SPCS3: variants seen among roughly 807,000 people sequenced by gnomAD.
SPCS3 encodes the protein SPase 22 kDa subunit.
A neutral mutation model predicts 17.2 loss-of-function variants in SPCS3; 9 were observed. The observed-to-expected ratio is 0.52, with a 90% CI of 0.31 to 0.91. The LOEUF (loss-of-function observed/expected upper bound fraction) is 0.91, where lower values mean the gene tolerates loss of function less well. SPCS3 is among the 40% of genes least tolerant of loss of function. SPCS3 has a pLI of 0.04. For synonymous variants in SPCS3, 87 were observed against 89.6 expected, an observed-to-expected ratio of 0.97 and a Z score of 0.16; for missense variants, 139 against 217.5, an observed-to-expected ratio of 0.64 and a Z score of 2.27.
At chr4:176,326,367 G>A (rs1039332859) in intron 3 of SPCS3, among the ~76,000 whole-genome samples, 1 of 152,056 alleles carries the variant, frequency 6.6e-6, no homozygotes, top group Non-Finnish European at 1.5e-5. Context: ...CATATACTGA[G>A]TAATTGGCCT....
intron 3 of SPCS3, 78 bp from the exon 4 acceptor site, chr4:176,327,084 G>T: frequency 1.2e-6 from 1 of 810,364 alleles, no homozygotes. Flanking sequence ...CAAACTATTT[G>T]CTTACTAATA....
intron 1 of SPCS3, chr4:176,320,601 G>C (rs1350856890): frequency 1.3e-5 from 2 of 154,402 alleles, no homozygotes; most frequent in African/African-American, 4.8e-5. Context: ...CGCGCGTCCG[G>C]TGCCGCTCGT....
chr4:176,322,293 G>T, intron 2 of SPCS3, 50 bp downstream of exon 2: 1 of 1,238,392 alleles, frequency 8.1e-7, no homozygotes, highest in Non-Finnish European at 1.2e-6. Flanking sequence ...TTTATAATGA[G>T]ATATGTGTTG....
intron 3 of SPCS3, among the ~76,000 whole-genome samples, chr4:176,324,828 G>A (rs1457139737): frequency 1.3e-5 from 2 of 152,120 alleles, no homozygotes; most frequent in African/African-American, 4.8e-5. Flanking sequence ...GTAGGAAAAT[G>A]GTGGAGCTCA....
chr4:176,319,983 A>C lies in SPCS3; in HGVS notation c.-94A>C, dbSNP rs1422839389. 1.7e-4 allele frequency: 223 copies of C among 1,290,058 alleles called. No homozygotes were observed. Among genetic ancestry groups the C allele is most frequent in the East Asian group, 7.1e-4 (21 of 29,784 alleles). 79.9% of individuals were successfully genotyped at this position (1,290,058 alleles called of 1,614,324 possible). The stretch of plus-strand genomic sequence containing the variant: ...CGGCGCGCGCTCCCGGAACGCGCGC[A>C]CCGCAGACGGCGCGGATCGCAGGGA... On this transcript the variant is annotated 5_prime_UTR_variant, in exon 1 of 5. Transcript: ENST00000503362.
chr4:176,327,233 T>A lies in SPCS3; in HGVS notation c.366T>A (p.Asp122Glu). 6.3e-7 allele frequency: 1 copy of A among 1,594,612 alleles called. No individual in the cohort carries two copies. The highest frequency in any genetic ancestry group is 8.5e-7 in the Non-Finnish European group (1 of 1,170,840). The stretch of plus-strand genomic sequence containing the variant: ...ATAATCCGAAGCTGCTGCTGAAAGA[T>A]ATGAAAACAAAATATTTTTTCTTTG... ...RGDNPKLLLK[D>E]MKTKYFFFDD... The change falls in exon 4 of 5, where the codon GAT becomes GAA. Residue 122 changes from aspartate to glutamate, a missense_variant. Asp to Glu is a conservative substitution (Grantham distance 45). Transcript: ENST00000503362.
At chr4:176,325,812 C>T (rs1229089015) in intron 3 of SPCS3, among the ~76,000 whole-genome samples, 3 of 151,870 alleles carry the variant, frequency 2.0e-5, no homozygotes, top group Admixed American at 6.5e-5. Flanking sequence ...AGTATGATCT[C>T]GGCTCACTGC....
In SPCS3 at chr4:176,329,803, A is replaced by C. The variant is rs190082690; in HGVS notation, c.*1473A>C. The stretch of plus-strand genomic sequence containing the variant: ...TGTAGTTACACTATTAGCAGTGACC[A>C]AAAAGGGCTAATATTTTCTAAGAAT... On this transcript the variant is annotated 3_prime_UTR_variant, in exon 5 of 5. Coordinates refer to ENST00000503362, the MANE Select transcript of SPCS3 (RefSeq NM_021928.4). 10 of 152,284 alleles carry C rather than the reference A, an allele frequency of 6.6e-5. No individual in the cohort carries two copies. Among genetic ancestry groups the C allele is most frequent in the African/African-American group, 2.2e-4 (9 of 41,572 alleles). The allele number at this position is 152,284 out of a possible 1,614,324, so 9.4% of individuals were successfully genotyped here.
chr4:176,328,335 T>C lies in SPCS3; in HGVS notation c.*5T>C, dbSNP rs1731635566. On this transcript the variant is annotated 3_prime_UTR_variant, in exon 5 of 5. Coordinates refer to ENST00000503362, the MANE Select transcript of SPCS3 (RefSeq NM_021928.4). ...GAAATAACGAAGAGTTATTAAATTA[T>C]TCTGAATTTGAAACAACATATTTTT... 1 of 1,575,880 alleles carries C rather than the reference T, an allele frequency of 6.3e-7. No individual in the cohort carries two copies. Among genetic ancestry groups the C allele is most frequent in the African/African-American group, 1.4e-5 (1 of 73,426 alleles).
intron 3 of SPCS3, among the ~76,000 whole-genome samples, chr4:176,324,781 T>C (rs904223526): frequency 7.2e-5 from 11 of 152,126 alleles, no homozygotes; most frequent in Middle Eastern, 3.2e-3. Flanking sequence ...AAATCACAGA[T>C]TGAAGATAAT....
chr4:176,320,599 C>G (rs1286255742), intron 1 of SPCS3: 2 of 154,268 alleles, frequency 1.3e-5, no homozygotes, highest in Non-Finnish European at 2.9e-5. Context: ...CCCGCGCGTC[C>G]GGTGCCGCTC....
intron 3 of SPCS3, among the ~76,000 whole-genome samples, chr4:176,324,992 G>C (rs1731585522): frequency 6.6e-6 from 1 of 150,776 alleles, no homozygotes; most frequent in African/African-American, 2.4e-5. Flanking sequence ...CTATCAACTA[G>C]GAAATGGAGT....
intron 1 of SPCS3, chr4:176,321,859 GCTTT>G (rs1372113423): frequency 2.6e-5 from 5 of 193,990 alleles, no homozygotes; most frequent in Admixed American, 2.4e-4. Flanking sequence ...GTCATGTGTA[GCTTT>G]CTTCTACCCA....
In SPCS3 at chr4:176,320,172, C is replaced by A; in HGVS notation, c.96C>A (p.Phe32Leu). Residue 32 changes from phenylalanine to leucine, a missense_variant, in exon 1 of 5, where the codon TTC becomes TTA. Coordinates refer to ENST00000503362, the MANE Select transcript of SPCS3 (RefSeq NM_021928.4). ...TCGGCTGCTTCATCACCACCGCCTT[C>A]AAAGACAGGAGCGTCCCGGTGCGGC... ...LTFGCFITTA[F>L]KDRSVPVRLH... is the part of the protein sequence containing the mutation. 1 of 1,582,620 alleles carries A rather than the reference C, an allele frequency of 6.3e-7. No individual in the cohort carries two copies. Among genetic ancestry groups the A allele is most frequent in the South Asian group, 1.1e-5 (1 of 88,070 alleles).
chr4:176,327,054 A>G, intron 3 of SPCS3, 108 bp from the exon 4 acceptor site: 1 of 648,398 alleles, frequency 1.5e-6, no homozygotes, highest in East Asian at 3.3e-5. Flanking sequence ...AAGCTCCTCA[A>G]GTTGAATTCA....
intron 3 of SPCS3, among the ~76,000 whole-genome samples, 185 bp downstream of exon 3, chr4:176,324,442 GT>G (rs1342363020): frequency 1.3e-5 from 2 of 151,686 alleles, no homozygotes; most frequent in African/African-American, 4.9e-5. Flanking sequence ...TGTTGTTGTT[GT>G]TTGTTTGTTT....
At chr4:176,324,305 C>T (rs1446220505) in intron 3 of SPCS3, 48 bp downstream of exon 3, 1 of 855,988 alleles carries the variant, frequency 1.2e-6, no homozygotes, top group South Asian at 2.3e-5. Context: ...TAAAGTCTTA[C>T]TCTTTACGAA....
chr4:176,324,008 C>T (rs1731571414), intron 2 of SPCS3, among the ~76,000 whole-genome samples, 173 bp from the exon 3 acceptor site: 1 of 152,022 alleles, frequency 6.6e-6, no homozygotes, highest in African/African-American at 2.4e-5. Context: ...AGCTGGATTT[C>T]ACAATGTATT....
At chr4:176,328,166 T>C in intron 4 of SPCS3, 32 bp from the exon 5 acceptor site, 1 of 1,604,490 alleles carries the variant, frequency 6.2e-7, no homozygotes, top group Non-Finnish European at 8.5e-7. Flanking sequence ...CTAGTGTCTC[T>C]GATGACTTGT....
Sources: gnomAD v4.1 joint callset for allele counts (sites outside exome capture counted in the v4.1 genomes callset) on GRCh38, gnomAD v4.1.1 for gene constraint, MANE v1.5 for transcripts, NCBI Gene and HGNC (gene_info 2026-07-23, HGNC 2026-07-21) for gene names.